Variants in KIAA1549L observed in about 807,000 individuals in gnomAD.
The protein encoded by KIAA1549L is UPF0606 protein KIAA1549L.
In KIAA1549L, 88 loss-of-function variants were observed where a neutral mutation model predicts 160.7. The ratio of observed to expected loss-of-function variants is 0.55; its 90% CI spans 0.46 to 0.65. The LOEUF (loss-of-function observed/expected upper bound fraction) is 0.65, where lower values mean the gene tolerates loss of function less well. KIAA1549L is among the 30% of genes least tolerant of loss of function. The pLI, the probability that KIAA1549L is intolerant of heterozygous loss-of-function variation, is 0.00. For synonymous variants in KIAA1549L, 950 were observed against 976.7 expected (o/e 0.97, Z 0.51); for missense variants, 2,258 against 2,437.5 (o/e 0.93, Z 1.55).
chr11:33,424,959 T>C (rs146627575), intron 1 of KIAA1549L, among the ~76,000 whole-genome samples: 1 of 152,310 alleles, frequency 6.6e-6, no homozygotes, highest in East Asian at 1.9e-4. Context: ...CAAGAGACCA[T>C]GGGTCTCCAG....
chr11:33,593,308 G>A (rs1464971498), intron 12 of KIAA1549L, among the ~76,000 whole-genome samples: 1 of 152,168 alleles, frequency 6.6e-6, no homozygotes, highest in Non-Finnish European at 1.5e-5. Context: ...GTGCAGTGGT[G>A]TGTACCTGTA....
intron 12 of KIAA1549L, among the ~76,000 whole-genome samples, chr11:33,593,174 A>G (rs1850107134): frequency 6.6e-6 from 1 of 152,206 alleles, no homozygotes; most frequent in Non-Finnish European, 1.5e-5. Flanking sequence ...TCACACCTGT[A>G]ACTCCAGCAG....
intron 4 of KIAA1549L, among the ~76,000 whole-genome samples, chr11:33,550,213 CA>C (rs1854412106): frequency 6.6e-6 from 1 of 151,084 alleles, no homozygotes; most frequent in Admixed American, 6.6e-5. Flanking sequence ...TGTTTTTTAC[CA>C]CAATAAAAAC....
chr11:33,428,125 G>A (rs1191126186), intron 1 of KIAA1549L, among the ~76,000 whole-genome samples: 1 of 152,190 alleles, frequency 6.6e-6, no homozygotes, highest in African/African-American at 2.4e-5. Context: ...TCTCTTGGGT[G>A]CATACCTAGG....
At chr11:33,432,777 C>T (rs1210845224) in intron 1 of KIAA1549L, among the ~76,000 whole-genome samples, 2 of 152,174 alleles carry the variant, frequency 1.3e-5, no homozygotes, top group African/African-American at 4.8e-5. Flanking sequence ...AGAAATAACA[C>T]CACACATCTA....
intron 9 of KIAA1549L, among the ~76,000 whole-genome samples, chr11:33,570,582 G>A (rs1855220144): frequency 6.6e-6 from 1 of 152,062 alleles, no homozygotes; most frequent in South Asian, 2.1e-4. Flanking sequence ...ACATGCCCCA[G>A]TTTCCCCCAA....
At chr11:33,465,880 C>A (rs1852046981) in intron 1 of KIAA1549L, among the ~76,000 whole-genome samples, 1 of 152,086 alleles carries the variant, frequency 6.6e-6, no homozygotes. Context: ...AGACCTAAAA[C>A]CATAAAAACC....
In KIAA1549L at chr11:33,537,527, G is replaced by C. The variant is rs191692322; in HGVS notation, c.239-4275G>C. On this transcript the variant is annotated intron_variant, in intron 1 of 20. Transcript: ENST00000658780. ...TATGCACTTTGGGGAATTTCTAATGGTGGAGAATTCACTGACTTTAAGCCA... is the reference window on the plus strand; with the variant it reads ...TATGCACTTTGGGGAATTTCTAATGCTGGAGAATTCACTGACTTTAAGCCA... Among the ~76,000 whole-genome samples the C allele has an allele frequency of 1.9e-3, 288 of 152,288 alleles. 1 individual carries two copies. The highest frequency in any genetic ancestry group is 0.01 in the Middle Eastern group (3 of 294).
intron 1 of KIAA1549L, among the ~76,000 whole-genome samples, chr11:33,402,412 G>A (rs924491776): frequency 2.0e-5 from 3 of 152,140 alleles, no homozygotes; most frequent in African/African-American, 7.2e-5. Flanking sequence ...CTCTCATCTG[G>A]ATGATTTCTG....
chr11:33,638,107 A>G (rs1363611802), intron 16 of KIAA1549L, among the ~76,000 whole-genome samples: 2 of 152,166 alleles, frequency 1.3e-5, no homozygotes, highest in Admixed American at 1.3e-4. Context: ...TTCTTTTAGT[A>G]TGGGAAAATT....
intron 16 of KIAA1549L, among the ~76,000 whole-genome samples, chr11:33,626,551 G>A (rs1447919425): frequency 7.6e-6 from 1 of 132,038 alleles, no homozygotes; most frequent in Non-Finnish European, 1.6e-5. Flanking sequence ...TCATGATTTG[G>A]CTCTCTGTCT....
rs193095062 is a variant in KIAA1549L, at chr11:33,541,854, C to A, written c.291C>A (p.Pro97=). Residue 97 remains proline, a synonymous_variant, in exon 2 of 21, where the codon CCC becomes CCA. Transcript: ENST00000658780. The part of the protein sequence containing the change: ...NVTRTPESFP[P]GKLLPISPTW... ...CCCGGACTCCAGAGTCATTTCCTCC[C>A]GGGAAATTGTTACCAATTTCACCAA... 3.6e-6 allele frequency: 1 copy of A among 280,058 alleles called. No homozygotes were observed. Among genetic ancestry groups the A allele is most frequent in the Non-Finnish European group, 7.4e-6 (1 of 135,600 alleles). The allele number at this position is 280,058 out of a possible 1,614,324, so 17.3% of individuals were successfully genotyped here.
intron 12 of KIAA1549L, among the ~76,000 whole-genome samples, chr11:33,597,702 A>C (rs904379200): frequency 3.9e-5 from 6 of 152,180 alleles, no homozygotes; most frequent in African/African-American, 1.4e-4. Context: ...ACAGAGTTCC[A>C]GAAGATGAGA....
intron 7 of KIAA1549L, 39 bp downstream of exon 7, chr11:33,559,950 C>T: frequency 6.3e-7 from 1 of 1,590,106 alleles, no homozygotes; most frequent in Non-Finnish European, 8.6e-7. Flanking sequence ...CAGTGTTTCC[C>T]CTGTGGCCTT....
rs373120849 is a variant in KIAA1549L at position 33,458,367 on chromosome 11, T to C, written c.238+81478T>C. On this transcript the variant is annotated intron_variant, in intron 1 of 20. Coordinates refer to ENST00000658780, the MANE Select transcript of KIAA1549L (RefSeq NM_012194.3). Reference sequence around the variant, plus strand: ...GTACTCTTGCCCCAGGTTCTGCAAATGTTAGGAGTAGGACTGAAGATAAAT... The same window carrying C: ...GTACTCTTGCCCCAGGTTCTGCAAACGTTAGGAGTAGGACTGAAGATAAAT... Among the ~76,000 whole-genome samples the C allele has an allele frequency of 1.6e-4, 24 of 152,330 alleles. No homozygotes were observed. The East Asian group carries it at 2.9e-3, about 18-fold the overall frequency.
chr11:33,624,181 G>A (rs1254580607), intron 16 of KIAA1549L, among the ~76,000 whole-genome samples: 1 of 152,204 alleles, frequency 6.6e-6, no homozygotes, highest in South Asian at 2.1e-4. Flanking sequence ...CTCAAGTTTG[G>A]GAAGCAGCTG....
chr11:33,618,468 A>G (rs1284977982), intron 15 of KIAA1549L, 65 bp from the exon 16 acceptor site: 3 of 1,479,092 alleles, frequency 2.0e-6, no homozygotes, highest in African/African-American at 2.8e-5. Flanking sequence ...TGTACTTTGG[A>G]TCAGTGGAGA....
At chr11:33,656,250 G>T (rs114507392) in intron 18 of KIAA1549L, 141 bp downstream of exon 18, 5 of 648,186 alleles carry the variant, frequency 7.7e-6, no homozygotes, top group South Asian at 1.8e-5. Flanking sequence ...ACAACCATGC[G>T]CCTGTGGCAT....
At chr11:33,606,310 C>G (rs981823993) in intron 13 of KIAA1549L, among the ~76,000 whole-genome samples, 2 of 152,182 alleles carry the variant, frequency 1.3e-5, no homozygotes, top group East Asian at 1.9e-4. Context: ...TTTCTCACCT[C>G]CAACTCAAAC....
Sources: allele counts gnomAD v4.1 joint callset (sites outside exome capture counted in the v4.1 genomes callset), GRCh38; gene constraint gnomAD v4.1.1; transcripts MANE v1.5; gene names NCBI Gene and HGNC (gene_info 2026-07-23, HGNC 2026-07-21).